The following MAPK10 variants were observed in gnomAD, a reference collection of about 807,000 sequenced individuals.
MAPK10 encodes mitogen-activated protein kinase 10.
Under a neutral mutation model 59.3 loss-of-function variants are expected in MAPK10, and 25 were observed. The ratio of observed to expected loss-of-function variants is 0.42; its 90% confidence interval spans 0.31 to 0.59. MAPK10 has a LOEUF of 0.59. Ranked by LOEUF, MAPK10 falls within the 20% of genes least tolerant of loss-of-function variation. The probability of loss-of-function intolerance (pLI) is 0.15; values close to 1 mark genes in which losing one functional copy is unlikely to be tolerated. For synonymous variants in MAPK10, 190 were observed against 200.5 expected (o/e 0.95, Z 0.44); for missense variants, 351 against 568.9 (o/e 0.62, Z 3.90).
intron 1 of MAPK10, among the ~76,000 whole-genome samples, chr4:86,477,014 GCTCTCTGACTGA>G (rs1308688157): frequency 6.6e-6 from 1 of 152,128 alleles, no homozygotes; most frequent in African/African-American, 2.4e-5. Flanking sequence ...CTGACCCAAG[GCTCTCTGACTGA>G]CTCCTTCCCA....
chr4:86,307,374 A>G (rs1035968975), intron 2 of MAPK10, among the ~76,000 whole-genome samples: 2 of 152,174 alleles, frequency 1.3e-5, no homozygotes, highest in African/African-American at 4.8e-5. Context: ...TACTTTTTAC[A>G]AGGAACTCAT....
intron 1 of MAPK10, among the ~76,000 whole-genome samples, chr4:86,521,620 C>T (rs1055409207): frequency 6.6e-6 from 1 of 152,102 alleles, no homozygotes; most frequent in Non-Finnish European, 1.5e-5. Context: ...TCCTATGCAG[C>T]CACTAAGGCC....
intron 4 of MAPK10, among the ~76,000 whole-genome samples, chr4:86,150,112 AC>A (rs2066043316): frequency 1.3e-5 from 2 of 152,340 alleles, no homozygotes; most frequent in Non-Finnish European, 2.9e-5. Flanking sequence ...ATGGAATACC[AC>A]TCAGCCATTA....
intron 11 of MAPK10, among the ~76,000 whole-genome samples, chr4:86,038,255 T>C (rs1488728760): frequency 6.6e-6 from 1 of 152,218 alleles, no homozygotes; most frequent in Non-Finnish European, 1.5e-5. Context: ...TGTGTTCTGC[T>C]GCCTTGTTTA....
chr4:86,087,918 T>C (rs142269644), intron 9 of MAPK10, among the ~76,000 whole-genome samples: 89 of 152,262 alleles, frequency 5.8e-4, no homozygotes, highest in African/African-American at 2.1e-3. Flanking sequence ...AATCATAATA[T>C]GGTATGGATG....
At chr4:86,052,157 C>T (rs2043675172) in intron 11 of MAPK10, among the ~76,000 whole-genome samples, 2 of 151,984 alleles carry the variant, frequency 1.3e-5, no homozygotes, top group South Asian at 4.1e-4. Context: ...TTACTTCTGC[C>T]TCCACCACTT....
chr4:86,217,917 C>T (rs1449045246), intron 2 of MAPK10, among the ~76,000 whole-genome samples: 1 of 151,916 alleles, frequency 6.6e-6, no homozygotes, highest in East Asian at 1.9e-4. Context: ...ATGTTGTCCA[C>T]AAAATCATTC....
chr4:86,287,712 A>G lies in MAPK10; in HGVS notation c.-7+66818T>C, dbSNP rs147122462. Among the ~76,000 whole-genome samples the G allele has an allele frequency of 5.8e-3, 881 of 152,262 alleles. 7 individuals are homozygous for G. The highest frequency in any genetic ancestry group is 0.02 in the African/African-American group (829 of 41,540). On this transcript the variant is annotated intron_variant, in intron 2 of 13. Coordinates refer to ENST00000641462, the MANE Select transcript of MAPK10 (RefSeq NM_138982.4). ...AGTCTATTTAAATCGCTACTAGAAA[A>G]CCCAATCACTACCAGAAATAATTCA...
intron 2 of MAPK10, among the ~76,000 whole-genome samples, chr4:86,317,924 C>T (rs1205839726): frequency 6.6e-6 from 1 of 152,144 alleles, no homozygotes; most frequent in Non-Finnish European, 1.5e-5. Flanking sequence ...TCGTTTCTTG[C>T]TTCTTGCTTC....
At chr4:86,031,482 T>A in intron 11 of MAPK10, 51 bp from the exon 12 acceptor site, 1 of 1,305,208 alleles carries the variant, frequency 7.7e-7, no homozygotes, top group Non-Finnish European at 1.1e-6. Flanking sequence ...TAAACATAAC[T>A]AAACTCTTAC....
chr4:86,355,752 T>C (rs553537231), intron 1 of MAPK10, among the ~76,000 whole-genome samples: 11 of 152,306 alleles, frequency 7.2e-5, no homozygotes, highest in African/African-American at 2.6e-4. Context: ...AGGCAATTAC[T>C]ATATTATATA....
chr4:86,023,545 A>G (rs1196770527), intron 13 of MAPK10, among the ~76,000 whole-genome samples: 1 of 152,210 alleles, frequency 6.6e-6, no homozygotes, highest in East Asian at 1.9e-4. Flanking sequence ...TCTTGACAAT[A>G]TTAAATATTC....
intron 2 of MAPK10, among the ~76,000 whole-genome samples, chr4:86,262,073 G>C (rs2094006333): frequency 6.6e-6 from 1 of 152,196 alleles, no homozygotes; most frequent in African/African-American, 2.4e-5. Flanking sequence ...GTTATGAATT[G>C]CTATGAATGT....
intron 2 of MAPK10, among the ~76,000 whole-genome samples, chr4:86,280,427 G>A (rs1424273187): frequency 6.6e-6 from 1 of 152,108 alleles, no homozygotes. Context: ...AGTCAGAATA[G>A]CCATTATTAA....
At chr4:86,400,416 CCT>C (rs1193618047) in intron 1 of MAPK10, among the ~76,000 whole-genome samples, 1 of 151,652 alleles carries the variant, frequency 6.6e-6, no homozygotes, top group East Asian at 1.9e-4. Flanking sequence ...TTTTCTGGTT[CCT>C]CTCTCTCTTT....
intron 1 of MAPK10, among the ~76,000 whole-genome samples, chr4:86,476,275 C>T (rs1390602511): frequency 2.0e-5 from 3 of 152,078 alleles, no homozygotes; most frequent in Admixed American, 1.3e-4. Flanking sequence ...GCTTCTGCTC[C>T]CCCACCCTAT....
At chr4:86,136,639 T>C (rs1012470697) in intron 4 of MAPK10, among the ~76,000 whole-genome samples, 1 of 146,236 alleles carries the variant, frequency 6.8e-6, no homozygotes, top group African/African-American at 2.6e-5. Context: ...ACGAGCAAAA[T>C]CACCAGCTAA....
At chr4:86,071,870 T>A (rs1430415161) in intron 9 of MAPK10, among the ~76,000 whole-genome samples, 1 of 146,134 alleles carries the variant, frequency 6.8e-6, no homozygotes, top group East Asian at 2.0e-4. Flanking sequence ...GACTTGGCAA[T>A]GCGGGCTCTT....
Position 86,392,676 on chromosome 4 carries a change from G to A in MAPK10, c.-121-38032C>T, listed in dbSNP as rs564029025. 5.3e-5 allele frequency among the ~76,000 whole-genome samples: 8 copies of A among 152,280 alleles called. No individual in the cohort carries two copies. The South Asian group carries it at 1.2e-3, about 24-fold the overall frequency. ...TGTTCCATTCTATCCTCAGTACTAA[G>A]GATAGTGTCAGATACATAAAAGGTG... On this transcript the variant is annotated intron_variant, in intron 1 of 13. Transcript: ENST00000361569.
Sources: allele counts gnomAD v4.1 joint callset (sites outside exome capture counted in the v4.1 genomes callset), GRCh38; gene constraint gnomAD v4.1.1; transcripts MANE v1.5; gene names NCBI Gene and HGNC (gene_info 2026-07-23, HGNC 2026-07-21).